The following RAB39B variants were observed in gnomAD, a reference collection of about 807,000 sequenced individuals.
The protein encoded by RAB39B is ras-related protein Rab-39B.
For synonymous variants in RAB39B, 63 were observed against 67.5 expected (o/e 0.93, Z 0.33); for missense variants, 68 against 171.3 (o/e 0.40, Z 3.37).
intron 1 of RAB39B, among the ~76,000 whole-genome samples, chrX:155,261,477 T>G (rs1557314286): frequency 9.0e-6 from 1 of 111,625 alleles, no homozygotes; most frequent in African/African-American, 3.3e-5. Flanking sequence ...TTTAGGCATT[T>G]TCCATGGATT....
chrX:155,261,562 C>T (rs1301618118), intron 1 of RAB39B, among the ~76,000 whole-genome samples: 2 of 110,284 alleles, frequency 1.8e-5, no homozygotes, highest in Non-Finnish European at 1.9e-5. Flanking sequence ...ACTAACTCTC[C>T]CACCCCCCAA....
rs1602915285 is a variant in RAB39B, at chrX:155,264,437, C to A, written c.-149G>T. 5.8e-5 allele frequency: 29 copies of A among 500,861 alleles called. 1 individual carries two copies. In the South Asian group the frequency reaches 8.7e-4, roughly 15 times the overall value. The allele number at this position is 500,861 out of a possible 1,213,427, so 41.3% of individuals were successfully genotyped here. On this transcript the variant is annotated 5_prime_UTR_variant, in exon 1 of 2. Transcript: ENST00000369454. Reference sequence around the variant, plus strand: ...GAGCCCGAAGCTGGGTAGGCCCAGGCGCCGGGAGAGCGGAGGGATGGATGC... The same window carrying A: ...GAGCCCGAAGCTGGGTAGGCCCAGGAGCCGGGAGAGCGGAGGGATGGATGC...
chrX:155,261,114 C>A lies in RAB39B; in HGVS notation c.331G>T (p.Val111Phe), dbSNP rs782542899. Residue 111 changes from valine (V) to phenylalanine (F), a missense_variant, in exon 2 of 2, where the codon GTT becomes TTT. Physicochemically the swap from Val to Phe is conservative, Grantham distance 50 (BLOSUM62 -1). Transcript: ENST00000369454. ...HEWLEETKVH[V>F]QPYQIVFVLV... ...ACAAATACAATTTGGTAGGGCTGAACGTGTACTTTGGTCTCTTCTAACCAC... is the reference window on the plus strand; with the variant it reads ...ACAAATACAATTTGGTAGGGCTGAAAGTGTACTTTGGTCTCTTCTAACCAC... The A allele has an allele frequency of 8.3e-7, 1 of 1,211,088 alleles. No homozygotes were observed. Among genetic ancestry groups the A allele is most frequent in the Non-Finnish European group, 1.1e-6 (1 of 895,181 alleles).
chrX:155,261,672 T>C (rs1569561092), intron 1 of RAB39B, among the ~76,000 whole-genome samples: 1 of 111,865 alleles, frequency 8.9e-6, no homozygotes, highest in African/African-American at 3.2e-5. Flanking sequence ...TAAAGTGTTC[T>C]GTGACGTGGA....
Position 155,260,734 on chromosome X carries a change from A to G in RAB39B, c.*69T>C. The G allele has an allele frequency of 9.3e-7, 1 of 1,077,733 alleles. No individual in the cohort carries two copies. The highest frequency in any genetic ancestry group is 2.2e-5 in the Admixed American group (1 of 45,877). The allele number at this position is 1,077,733 out of a possible 1,213,427, so 88.8% of individuals were successfully genotyped here. A position where few individuals can be genotyped will look rare whatever the true frequency, so the allele number is the denominator to read the frequency against. On this transcript the variant is annotated 3_prime_UTR_variant, in exon 2 of 2. Transcript: ENST00000369454. ...AGGTTGAGTTCTCATCAGTTACACA[A>G]AGATTCTATTTATTTCTCTTACTTT...
At chrX:155,262,866 C>T (rs781819906) in intron 1 of RAB39B, among the ~76,000 whole-genome samples, 13 of 112,059 alleles carry the variant, frequency 1.2e-4, no homozygotes, top group African/African-American at 2.9e-4. Flanking sequence ...GAAATGCAAT[C>T]GCAAGTTCAA....
intron 1 of RAB39B, among the ~76,000 whole-genome samples, chrX:155,261,452 G>A (rs1355821973): frequency 9.0e-6 from 1 of 111,252 alleles, no homozygotes; most frequent in Admixed American, 9.6e-5. Context: ...TTCTAGAAAC[G>A]AATGTTCATG....
chrX:155,262,238 A>G (rs2074856300), intron 1 of RAB39B, among the ~76,000 whole-genome samples: 2 of 112,283 alleles, frequency 1.8e-5, no homozygotes, highest in South Asian at 7.3e-4. Context: ...GAAGATAGAC[A>G]ACGAAGGACT....
intron 1 of RAB39B, 129 bp from the exon 2 acceptor site, chrX:155,261,358 A>C (rs187907052): frequency 1.8e-6 from 1 of 547,532 alleles, no homozygotes; most frequent in Admixed American, 3.2e-5. Context: ...CTTTTTTTTT[A>C]AAAAAACAAA....
Position 155,264,339 on chromosome X carries a change from G to C in RAB39B, c.-51C>G. On this transcript the variant is annotated 5_prime_UTR_variant, in exon 1 of 2. Transcript: ENST00000369454. Reference sequence around the variant, plus strand: ...GCCCGGACCGGGGACGGCGGGAGGGGGCGCCCCGCCGACGCCTCAGAGAGC... The same window carrying C: ...GCCCGGACCGGGGACGGCGGGAGGGCGCGCCCCGCCGACGCCTCAGAGAGC... The C allele has an allele frequency of 9.0e-7, 1 of 1,113,497 alleles. No individual in the cohort carries two copies. Among genetic ancestry groups the C allele is most frequent in the Non-Finnish European group, 1.2e-6 (1 of 807,402 alleles). The allele number at this position is 1,113,497 out of a possible 1,213,427, so 91.8% of individuals were successfully genotyped here. A position where few individuals can be genotyped will look rare whatever the true frequency, so the allele number is the denominator to read the frequency against.
chrX:155,261,911 A>AT (rs1333428674), intron 1 of RAB39B, among the ~76,000 whole-genome samples: 1 of 108,967 alleles, frequency 9.2e-6, no homozygotes, highest in Non-Finnish European at 1.9e-5. Flanking sequence ...ACACAATTTT[A>AT]TTTTTTATTT....
At position 155,261,010 on chromosome X, in the gene RAB39B, G is replaced by A. The variant is rs376181426; in HGVS notation, c.435C>T (p.Tyr145=). The A allele has an allele frequency of 7.4e-6, 9 of 1,209,616 alleles. No homozygotes were observed. The highest frequency in any genetic ancestry group is 4.4e-5 in the Admixed American group (2 of 45,762). The change falls in exon 2 of 2, where the codon TAC becomes TAT. Residue 145 remains tyrosine, a synonymous_variant. Coordinates refer to ENST00000369454, the MANE Select transcript of RAB39B (RefSeq NM_171998.4). ...CTGACGTTTCAATGTACTTCATGCCGTATGCAGCAGCCAGTTTCTCGGCCT... is the reference window on the plus strand; with the variant it reads ...CTGACGTTTCAATGTACTTCATGCCATATGCAGCAGCCAGTTTCTCGGCCT... ...RHEAEKLAAA[Y]GMKYIETSAR...
chrX:155,263,943 C>A (rs146852646), intron 1 of RAB39B, 131 bp downstream of exon 1: 1 of 630,822 alleles, frequency 1.6e-6, no homozygotes, highest in Non-Finnish European at 2.5e-6. Context: ...AGGTGGGCTT[C>A]GGCAGAATCC....
At position 155,264,193 on chromosome X, in the gene RAB39B, G is replaced by T; in HGVS notation, c.96C>A (p.Arg32=). 1 of 1,212,175 alleles carries T rather than the reference G, an allele frequency of 8.2e-7. No homozygotes were observed. Among genetic ancestry groups the T allele is most frequent in the Non-Finnish European group, 1.1e-6 (1 of 895,473 alleles). The change falls in exon 1 of 2, where the codon CGC becomes CGA. Residue 32 remains arginine (R), a synonymous_variant. Transcript: ENST00000369454. ...SCLIRRFTEG[R]FAQVSDPTVG... Reference sequence around the variant, plus strand: ...CGGTGGGGTCAGAAACCTGGGCAAAGCGACCCTCGGTGAAGCGGCGGATCA... The same window carrying T: ...CGGTGGGGTCAGAAACCTGGGCAAATCGACCCTCGGTGAAGCGGCGGATCA...
At chrX:155,263,276 A>G (rs1385931823) in intron 1 of RAB39B, among the ~76,000 whole-genome samples, 3 of 112,506 alleles carry the variant, frequency 2.7e-5, no homozygotes, top group Admixed American at 9.4e-5. Context: ...CAAATAATAC[A>G]TGCTACAATA....
chrX:155,260,777 G>A lies in RAB39B; in HGVS notation c.*26C>T, dbSNP rs782202677. On this transcript the variant is annotated 3_prime_UTR_variant, in exon 2 of 2. Coordinates refer to ENST00000369454, the MANE Select transcript of RAB39B (RefSeq NM_171998.4). ...CTTACTTTTCAGTTCAAGTAGGAGA[G>A]CATGTTTTGGAAATAAAAGAACTGA... 2.2e-5 allele frequency: 26 copies of A among 1,178,248 alleles called. No individual in the cohort carries two copies. Among genetic ancestry groups the A allele is most frequent in the Non-Finnish European group, 2.7e-5 (23 of 866,107 alleles).
rs781913717 is a variant in RAB39B, at chrX:155,259,848, C to A, written c.*955G>T. 1 of 111,830 alleles carries A rather than the reference C, an allele frequency of 8.9e-6. No individual in the cohort carries two copies. The highest frequency in any genetic ancestry group is 9.4e-5 in the Admixed American group (1 of 10,591). The allele number at this position is 111,830 out of a possible 1,213,427, so 9.2% of individuals were successfully genotyped here. On this transcript the variant is annotated 3_prime_UTR_variant, in exon 2 of 2. Coordinates refer to ENST00000369454, the MANE Select transcript of RAB39B (RefSeq NM_171998.4). ...TAAAATGGGGCAAAAACCTCGTAGG[C>A]CTGTTATGATGATCAAATAAGTAGC...
At chrX:155,261,649 A>C (rs782346158) in intron 1 of RAB39B, among the ~76,000 whole-genome samples, 35 of 111,842 alleles carry the variant, frequency 3.1e-4, no homozygotes, top group Admixed American at 6.6e-4. Flanking sequence ...AGGCAAAATG[A>C]AACAATGGAT....
At chrX:155,262,519 G>C (rs1431775391) in intron 1 of RAB39B, among the ~76,000 whole-genome samples, 2 of 112,237 alleles carry the variant, frequency 1.8e-5, no homozygotes, top group Admixed American at 1.9e-4. Flanking sequence ...GCAAGCTGTA[G>C]ATCACTGTCA....
Sources: gnomAD v4.1 joint callset for allele counts (sites outside exome capture counted in the v4.1 genomes callset) on GRCh38, gnomAD v4.1.1 for gene constraint, MANE v1.5 for transcripts, NCBI Gene and HGNC (gene_info 2026-07-23, HGNC 2026-07-21) for gene names.